PHIP: variants seen among roughly 807,000 people sequenced by gnomAD.
PHIP encodes PH-interacting protein.
In PHIP, 54 loss-of-function variants were observed where a neutral mutation model predicts 236.8. The ratio of observed to expected loss-of-function variants is 0.23; its 90% confidence interval spans 0.18 to 0.29. The LOEUF is 0.29. PHIP is among the 10% of genes least tolerant of loss of function. PHIP has a pLI of 1.00. For synonymous variants in PHIP, 756 were observed against 718.9 expected (o/e 1.05, Z -0.83); for missense variants, 1,370 against 2,190.8 (o/e 0.63, Z 7.48).
At chr6:78,972,022 C>T (rs1284489451) in intron 24 of PHIP, among the ~76,000 whole-genome samples, 2 of 152,058 alleles carry the variant, frequency 1.3e-5, no homozygotes, top group Non-Finnish European at 2.9e-5. Context: ...GGGTGGAGCC[C>T]ACCACAGCTC....
intron 29 of PHIP, 62 bp downstream of exon 29, chr6:78,965,641 T>G (rs937873187): frequency 1.1e-6 from 1 of 934,886 alleles, no homozygotes; most frequent in African/African-American, 1.7e-5. Flanking sequence ...TAGCAAATCT[T>G]AAATAATTTC....
chr6:78,997,357 T>C, intron 19 of PHIP, 57 bp downstream of exon 19: 1 of 1,483,074 alleles, frequency 6.7e-7, no homozygotes, highest in Non-Finnish European at 9.3e-7. Context: ...TGAATGCTGT[T>C]AACTCCAAAA....
At chr6:79,048,938 G>A (rs557369333) in intron 6 of PHIP, among the ~76,000 whole-genome samples, 69 of 152,248 alleles carry the variant, frequency 4.5e-4, no homozygotes, top group Non-Finnish European at 8.4e-4. Context: ...TATGTAACTC[G>A]GAAGGTATCT....
chr6:79,057,985 T>A (rs1773158069), intron 6 of PHIP, among the ~76,000 whole-genome samples: 1 of 152,120 alleles, frequency 6.6e-6, no homozygotes, highest in African/African-American at 2.4e-5. Flanking sequence ...GTCATTTTGG[T>A]CAGTCTAGCT....
chr6:79,004,113 G>T (rs950665702), intron 15 of PHIP, among the ~76,000 whole-genome samples: 4 of 152,096 alleles, frequency 2.6e-5, no homozygotes, highest in Admixed American at 6.6e-5. Context: ...CCCACCCATA[G>T]AATTCTGCTT....
chr6:79,040,532 T>C (rs1260634239), intron 7 of PHIP, among the ~76,000 whole-genome samples: 1 of 152,062 alleles, frequency 6.6e-6, no homozygotes, highest in Non-Finnish European at 1.5e-5. Context: ...CTCACAGGAG[T>C]GTTTCACTGG....
rs980289641 is a variant in PHIP, at chr6:78,938,191, C to T, written c.*2502G>A. 2.0e-5 allele frequency: 3 copies of T among 151,488 alleles called. No individual in the cohort carries two copies. The highest frequency in any genetic ancestry group is 6.6e-5 in the Admixed American group (1 of 15,204). 9.4% of individuals were successfully genotyped at this position (151,488 alleles called of 1,614,324 possible). On this transcript the variant is annotated 3_prime_UTR_variant, in exon 40 of 40. Coordinates refer to ENST00000275034, the MANE Select transcript of PHIP (RefSeq NM_017934.7). ...ATTACTAATACATGTTTAAGTGTTT[C>T]GGTTACAAAGAATCTGATCCAAGTT...
chr6:79,042,779 A>G, intron 7 of PHIP, 64 bp downstream of exon 7: 1 of 1,187,452 alleles, frequency 8.4e-7, no homozygotes, highest in Non-Finnish European at 1.1e-6. Flanking sequence ...CTTCAAGTTC[A>G]CCTATAAGCA....
intron 19 of PHIP, among the ~76,000 whole-genome samples, chr6:78,992,038 T>C (rs1241841223): frequency 1.3e-5 from 2 of 150,942 alleles, no homozygotes; most frequent in Non-Finnish European, 2.9e-5. Flanking sequence ...CTCGGCTCAC[T>C]GCAGGCTCTG....
chr6:78,983,729 T>C (rs896288398), intron 22 of PHIP, among the ~76,000 whole-genome samples: 10 of 152,044 alleles, frequency 6.6e-5, no homozygotes, highest in South Asian at 2.1e-4. Flanking sequence ...TTATTCTACC[T>C]ACCTACACCC....
At position 78,950,882 on chromosome 6, in the gene PHIP, T is replaced by C. The variant is rs187979808; in HGVS notation, c.4054-3107A>G. Among the ~76,000 whole-genome samples the C allele has an allele frequency of 1.7e-4, 26 of 152,268 alleles. 1 individual carries two copies. The East Asian group carries it at 4.4e-3, about 26-fold the overall frequency. On this transcript the variant is annotated intron_variant, in intron 35 of 39. Transcript: ENST00000275034. ...TATTATTTCCTTTTGTTGGCTTACC[T>C]TTGGGTGATTTTACTCTTCTTTCTC...
chr6:78,974,910 T>C (rs1446770964), intron 24 of PHIP, among the ~76,000 whole-genome samples: 2 of 151,658 alleles, frequency 1.3e-5, no homozygotes, highest in Admixed American at 6.6e-5. Flanking sequence ...GAGTCCAGGA[T>C]CAGATGGATT....
chr6:79,001,645 C>T (rs1020278437), intron 17 of PHIP, among the ~76,000 whole-genome samples: 3 of 151,984 alleles, frequency 2.0e-5, no homozygotes, highest in African/African-American at 4.8e-5. Context: ...TTGTTTCACA[C>T]CAAATACAGG....
Position 78,965,709 on chromosome 6 carries a change from T to C in PHIP, c.3373A>G (p.Asn1125Asp). The C allele has an allele frequency of 6.5e-7, 1 of 1,535,070 alleles. No homozygotes were observed. Among genetic ancestry groups the C allele is most frequent in the East Asian group, 2.3e-5 (1 of 44,208 alleles). Residue 1125 changes from asparagine to aspartate, a missense_variant, in exon 29 of 40, where the codon AAT becomes GAT. Physicochemically the swap from Asn to Asp is conservative, Grantham distance 23. This residue lies in a region of PHIP where 238 missense variants were observed against 398.5 expected (regional missense o/e 0.60). Transcript: ENST00000275034. ...AAGCCTAACACACACTTACCATTATTAGGTATAAGCTCCATATCCCAAGGA... is the reference window on the plus strand; with the variant it reads ...AAGCCTAACACACACTTACCATTATCAGGTATAAGCTCCATATCCCAAGGA... ...MSPWDMELIP[N>D]NAVFPEELGT... is the part of the protein sequence containing the mutation.
intron 17 of PHIP, among the ~76,000 whole-genome samples, chr6:78,999,621 G>A (rs189027098): frequency 2.0e-5 from 3 of 152,098 alleles, no homozygotes; most frequent in Admixed American, 2.0e-4. Context: ...ATTGCCATGA[G>A]TATAAAGAAG....
chr6:78,943,979 CTGTCT>C, intron 39 of PHIP, among the ~76,000 whole-genome samples: 1 of 85,008 alleles, frequency 1.2e-5, no homozygotes, highest in Non-Finnish European at 2.1e-5. Flanking sequence ...GAGCAAGATC[CTGTCT>C]TTTTTTAAAA....
At chr6:78,992,209 C>G (rs982878117) in intron 19 of PHIP, among the ~76,000 whole-genome samples, 3 of 152,084 alleles carry the variant, frequency 2.0e-5, no homozygotes, top group East Asian at 1.9e-4. Context: ...TGATCCCCCC[C>G]ACCTCGGCCT....
chr6:78,946,126 G>T lies in PHIP; in HGVS notation c.4505C>A (p.Ser1502Tyr), dbSNP rs1414592982. 1.2e-6 allele frequency: 2 copies of T among 1,614,068 alleles called. No homozygotes were observed. Among genetic ancestry groups the T allele is most frequent in the Non-Finnish European group, 1.7e-6 (2 of 1,179,948 alleles). ...TCGGTTGCTTCTGGTTCGAACCACAGAACTAGATTCTGTTTTACCGTTTAT... is the reference window on the plus strand; with the variant it reads ...TCGGTTGCTTCTGGTTCGAACCACATAACTAGATTCTGTTTTACCGTTTAT... Reference protein sequence around the residue: ...AQINGKTESSSVVRTRSNRVV... With the variant: ...AQINGKTESSYVVRTRSNRVV... Residue 1502 changes from serine (S) to tyrosine (Y), a missense_variant, in exon 38 of 40, where the codon TCT becomes TAT. Transcript: ENST00000275034.
chr6:78,989,395 C>A (rs1418984115), intron 20 of PHIP, among the ~76,000 whole-genome samples: 1 of 152,180 alleles, frequency 6.6e-6, no homozygotes, highest in East Asian at 1.9e-4. Context: ...GCACTCTGGC[C>A]TGGGTAACAC....
Sources: allele counts gnomAD v4.1 joint callset (sites outside exome capture counted in the v4.1 genomes callset), GRCh38; gene constraint gnomAD v4.1.1; regional missense constraint gnomAD v4.1.1; transcripts MANE v1.5; gene names NCBI Gene and HGNC (gene_info 2026-07-23, HGNC 2026-07-21).